Variants in PDE2A observed in about 807,000 individuals in gnomAD.
The protein encoded by PDE2A is cGMP-dependent 3',5'-cyclic phosphodiesterase.
A neutral mutation model predicts 133.6 loss-of-function variants in PDE2A; 53 were observed. The ratio of observed to expected loss-of-function variants is 0.40; its 90% CI spans 0.32 to 0.50. The LOEUF is 0.50. Ranked by LOEUF, PDE2A falls within the 20% of genes least tolerant of loss-of-function variation. The pLI is 0.73. For missense variants in PDE2A, 796 were observed against 1,232.4 expected (o/e 0.65, Z 5.30); for synonymous variants, 491 against 490.2 (o/e 1.00, Z -0.02).
chr11:72,593,383 C>T lies in PDE2A; in HGVS notation c.490-2027G>A, dbSNP rs543321159. 3.3e-5 allele frequency among the ~76,000 whole-genome samples: 5 copies of T among 152,166 alleles called. No homozygotes were observed. The East Asian group carries it at 5.8e-4, about 18-fold the overall frequency. On this transcript the variant is annotated intron_variant, in intron 6 of 30. Coordinates refer to ENST00000334456, the MANE Select transcript of PDE2A (RefSeq NM_002599.5). Reference sequence around the variant, plus strand: ...CCCCACACACTCATGGCTTTTTGTTCGCCAACAGGAACACACACTTACACC... The same window carrying T: ...CCCCACACACTCATGGCTTTTTGTTTGCCAACAGGAACACACACTTACACC...
At chr11:72,615,894 C>G (rs1199204396) in intron 2 of PDE2A, among the ~76,000 whole-genome samples, 4 of 152,168 alleles carry the variant, frequency 2.6e-5, no homozygotes, top group African/African-American at 9.6e-5. Context: ...TCCTAGTCCC[C>G]AAGGGTGTGC....
At chr11:72,600,264 G>A (rs928349006) in intron 4 of PDE2A, among the ~76,000 whole-genome samples, 5 of 152,164 alleles carry the variant, frequency 3.3e-5, no homozygotes, top group African/African-American at 1.2e-4. Context: ...TAAGGAGACT[G>A]TGACACTGGA....
chr11:72,589,813 G>C (rs199692562), intron 10 of PDE2A, 21 bp from the exon 11 acceptor site: 200 of 1,613,202 alleles, frequency 1.2e-4, no homozygotes, highest in Non-Finnish European at 1.7e-4. Flanking sequence ...GAGTGCAGGG[G>C]GCTGGTTAAA....
intron 2 of PDE2A, among the ~76,000 whole-genome samples, chr11:72,618,367 T>C (rs1264574719): frequency 1.3e-5 from 2 of 152,166 alleles, no homozygotes; most frequent in Non-Finnish European, 2.9e-5. Context: ...GCTCTGGCCC[T>C]CCAGAAACCC....
At chr11:72,584,830 C>A in intron 17 of PDE2A, 42 bp downstream of exon 17, 1 of 1,610,816 alleles carries the variant, frequency 6.2e-7, no homozygotes, top group Non-Finnish European at 8.5e-7. Context: ...GGCGGACTCC[C>A]GGACACCCCT....
At chr11:72,596,954 T>C (rs1197663645) in intron 5 of PDE2A, among the ~76,000 whole-genome samples, 1 of 151,710 alleles carries the variant, frequency 6.6e-6, no homozygotes, top group African/African-American at 2.4e-5. Context: ...GAAACTGAGG[T>C]CTAGAAAGGG....
intron 2 of PDE2A, among the ~76,000 whole-genome samples, chr11:72,623,700 G>A (rs748490768): frequency 1.3e-5 from 2 of 152,048 alleles, no homozygotes; most frequent in Non-Finnish European, 2.9e-5. Flanking sequence ...TCCATCGCTT[G>A]GTTCTTCAAG....
chr11:72,599,045 C>T, intron 4 of PDE2A: 3 of 985,246 alleles, frequency 3.0e-6, no homozygotes, highest in Non-Finnish European at 3.6e-6. Context: ...GGGGTGACCC[C>T]TGGCCAAACC....
At chr11:72,621,640 T>G (rs912758209) in intron 2 of PDE2A, 1 of 152,294 alleles carries the variant, frequency 6.6e-6, no homozygotes, top group Non-Finnish European at 1.5e-5. Flanking sequence ...TCTTCAGTGT[T>G]GCACCCATGT....
At chr11:72,585,458 A>G in intron 15 of PDE2A, 24 bp from the exon 16 acceptor site, 1 of 1,613,462 alleles carries the variant, frequency 6.2e-7, no homozygotes, top group Non-Finnish European at 8.5e-7. Flanking sequence ...AAGACCAGGC[A>G]GGGTGAGACC....
intron 2 of PDE2A, among the ~76,000 whole-genome samples, chr11:72,633,959 C>T (rs1858550301): frequency 1.3e-5 from 2 of 152,186 alleles, no homozygotes; most frequent in Admixed American, 1.3e-4. Flanking sequence ...TCTGCCTCAG[C>T]CTACTGTGCA....
At chr11:72,618,436 G>A (rs1418974681) in intron 2 of PDE2A, among the ~76,000 whole-genome samples, 3 of 151,922 alleles carry the variant, frequency 2.0e-5, no homozygotes, top group East Asian at 1.9e-4. Flanking sequence ...TCCTTCTCCC[G>A]TCCCCCTCAC....
At chr11:72,606,572 G>C (rs1856981064) in intron 3 of PDE2A, among the ~76,000 whole-genome samples, 1 of 152,198 alleles carries the variant, frequency 6.6e-6, no homozygotes, top group African/African-American at 2.4e-5. Context: ...GGGAGTGAGA[G>C]GGGCAGACAC....
intron 6 of PDE2A, 79 bp downstream of exon 6, chr11:72,596,514 A>T: frequency 1.6e-6 from 1 of 642,556 alleles, no homozygotes; most frequent in South Asian, 3.5e-5. Context: ...ACACACACAC[A>T]CACCCTGGAC....
intron 2 of PDE2A, among the ~76,000 whole-genome samples, chr11:72,624,501 TAC>T (rs1401372528): frequency 1.3e-5 from 2 of 152,162 alleles, no homozygotes; most frequent in Non-Finnish European, 2.9e-5. Context: ...TGCCTTTGTT[TAC>T]ACACTCAGCC....
At chr11:72,671,582 G>A (rs1221063819) in intron 1 of PDE2A, among the ~76,000 whole-genome samples, 1 of 152,114 alleles carries the variant, frequency 6.6e-6, no homozygotes, top group African/African-American at 2.4e-5. Flanking sequence ...AGCAGGAAGA[G>A]TGGCAGGAGC....
At chr11:72,579,162 G>C (rs945867316) in intron 27 of PDE2A, 122 bp downstream of exon 27, 2 of 943,178 alleles carry the variant, frequency 2.1e-6, no homozygotes, top group African/African-American at 1.6e-5. Context: ...GGGGGGGGCC[G>C]TGCAGCCAGA....
At chr11:72,633,933 G>C (rs1858549204) in intron 2 of PDE2A, among the ~76,000 whole-genome samples, 1 of 152,184 alleles carries the variant, frequency 6.6e-6, no homozygotes, top group South Asian at 2.1e-4. Context: ...GCGCTGAAGG[G>C]AGCACAGCAC....
In PDE2A at chr11:72,597,168, GC is replaced by G; in HGVS notation, c.433+341del. ...CAGAGAGAATGTGAGAACAACTACA[GC>G]CCCATCCAGCATCAGGCACAGGCAC... On this transcript the variant is annotated intron_variant, in intron 5 of 30. Transcript: ENST00000334456. This position sits in a 1 kb window ranked among gnomAD's most constrained non-coding sequence, Gnocchi z 4.6. 6.6e-6 allele frequency among the ~76,000 whole-genome samples: 1 copy of G among 152,110 alleles called. No homozygotes were observed. Among genetic ancestry groups the G allele is most frequent in the East Asian group, 1.9e-4 (1 of 5,182 alleles).
Sources: allele counts gnomAD v4.1 joint callset (sites outside exome capture counted in the v4.1 genomes callset), GRCh38; gene constraint gnomAD v4.1.1; non-coding constraint Gnocchi (gnomAD v3.1); transcripts MANE v1.5; gene names NCBI Gene and HGNC (gene_info 2026-07-23, HGNC 2026-07-21).